Variants in BLOC1S2 observed in about 807,000 individuals in gnomAD.
BLOC1S2 encodes biogenesis of lysosome-related organelles complex 1 subunit 2.
A neutral mutation model predicts 19.6 loss-of-function variants in BLOC1S2; 12 were observed. The observed-to-expected ratio is 0.61, with a 90% CI of 0.39 to 0.99. The LOEUF is 0.99. BLOC1S2 is among the 50% of genes least tolerant of loss of function. The pLI, the probability that BLOC1S2 is intolerant of heterozygous loss-of-function variation, is 0.00. For missense variants in BLOC1S2, 142 were observed against 171.0 expected (o/e 0.83, Z 0.95); for synonymous variants, 66 against 64.1 (o/e 1.03, Z -0.14).
chr10:100,277,936 C>T (rs1847969301), intron 4 of BLOC1S2, among the ~76,000 whole-genome samples: 1 of 99,196 alleles, frequency 1.0e-5, no homozygotes, highest in Non-Finnish European at 2.1e-5. Flanking sequence ...TGAGGGGCGC[C>T]TCTGCCCGGC....
intron 4 of BLOC1S2, among the ~76,000 whole-genome samples, chr10:100,279,731 G>A (rs1253339596): frequency 6.6e-6 from 1 of 152,072 alleles, no homozygotes; most frequent in African/African-American, 2.4e-5. Context: ...TACAAAATTA[G>A]CCAGGCGTGG....
intron 2 of BLOC1S2, among the ~76,000 whole-genome samples, chr10:100,281,457 G>A (rs1444443591): frequency 2.6e-5 from 4 of 151,938 alleles, no homozygotes; most frequent in Admixed American, 1.3e-4. Flanking sequence ...AAGCCGAGGC[G>A]GGTGATCACG....
At position 100,275,442 on chromosome 10, in the gene BLOC1S2, G is replaced by C; in HGVS notation, c.*20C>G. On this transcript the variant is annotated 3_prime_UTR_variant, in exon 5 of 5. Coordinates refer to ENST00000370372, the MANE Select transcript of BLOC1S2 (RefSeq NM_173809.5). ...TTCCACATTAAAAAAAAAAGACTCTGTCCCATAGAAATAAGTTTCTCATCG... is the reference window on the plus strand; with the variant it reads ...TTCCACATTAAAAAAAAAAGACTCTCTCCCATAGAAATAAGTTTCTCATCG... 1 of 1,596,658 alleles carries C rather than the reference G, an allele frequency of 6.3e-7. No individual in the cohort carries two copies. The highest frequency in any genetic ancestry group is 1.3e-5 in the African/African-American group (1 of 74,538).
chr10:100,277,704 G>C (rs1847951119), intron 4 of BLOC1S2, among the ~76,000 whole-genome samples: 1 of 139,890 alleles, frequency 7.1e-6, no homozygotes, highest in Non-Finnish European at 1.6e-5. Context: ...CGGGAGGGAG[G>C]TGGGGGGCTC....
At chr10:100,280,268 AT>A (rs767083527) in intron 3 of BLOC1S2, 40 bp from the exon 4 acceptor site, 2 of 1,520,796 alleles carry the variant, frequency 1.3e-6, no homozygotes, top group South Asian at 2.4e-5. Context: ...ATATGGCTTT[AT>A]TAACAAAGAA....
rs1324578721 is a variant in BLOC1S2 at position 100,273,908 on chromosome 10, CTA to C, written c.*1552_*1553del. 6.6e-6 allele frequency: 1 copy of C among 151,252 alleles called. No individual in the cohort carries two copies. Among genetic ancestry groups the C allele is most frequent in the Non-Finnish European group, 1.5e-5 (1 of 67,918 alleles). The allele number at this position is 151,252 out of a possible 1,614,324, so 9.4% of individuals were successfully genotyped here. A position where few individuals can be genotyped will look rare whatever the true frequency, so the allele number is the denominator to read the frequency against. On this transcript the variant is annotated 3_prime_UTR_variant, in exon 5 of 5. Transcript: ENST00000370372. ...GTTGGAAGAAGGGGTAAGACTGATT[CTA>C]TGTTAAGATAGTAGAGTTACAGTTT...
At chr10:100,279,551 G>A (rs1023522532) in intron 4 of BLOC1S2, among the ~76,000 whole-genome samples, 1 of 152,044 alleles carries the variant, frequency 6.6e-6, no homozygotes, top group Admixed American at 6.6e-5. Flanking sequence ...TGGCCAACAT[G>A]GTGAAACCTC....
At chr10:100,284,740 C>G (rs930587538) in intron 2 of BLOC1S2, among the ~76,000 whole-genome samples, 1 of 152,090 alleles carries the variant, frequency 6.6e-6, no homozygotes, top group African/African-American at 2.4e-5. Flanking sequence ...ATCCACCTGC[C>G]TAGGCCTCCC....
intron 4 of BLOC1S2, among the ~76,000 whole-genome samples, chr10:100,277,076 G>A (rs1384256164): frequency 3.3e-5 from 5 of 151,278 alleles, no homozygotes; most frequent in Admixed American, 6.6e-5. Flanking sequence ...CCTCCCGGCC[G>A]CCATCCCATC....
intron 1 of BLOC1S2, 39 bp downstream of exon 1, chr10:100,286,565 GC>G: frequency 1.9e-6 from 3 of 1,610,314 alleles, no homozygotes; most frequent in South Asian, 1.1e-5. Flanking sequence ...GGAGCCCCAG[GC>G]CCCCCACCGG....
intron 4 of BLOC1S2, among the ~76,000 whole-genome samples, chr10:100,278,406 G>T (rs1222009183): frequency 1.3e-5 from 2 of 152,264 alleles, no homozygotes; most frequent in African/African-American, 4.8e-5. Context: ...GCAAGGTGGG[G>T]AAAAGATTGA....
chr10:100,280,429 T>TA (rs543349192), intron 3 of BLOC1S2, among the ~76,000 whole-genome samples: 82 of 152,322 alleles, frequency 5.4e-4, no homozygotes, highest in African/African-American at 1.9e-3. Flanking sequence ...GGCCCAGACT[T>TA]AGTGTCTCTC....
chr10:100,283,456 A>G lies in BLOC1S2; in HGVS notation c.173-2403T>C, dbSNP rs184890673. Among the ~76,000 whole-genome samples the G allele has an allele frequency of 2.6e-3, 390 of 152,264 alleles. 1 individual carries two copies. The highest frequency in any genetic ancestry group is 9.1e-3 in the African/African-American group (378 of 41,542). Reference sequence around the variant, plus strand: ...CTCCCAAAGTGCTAGGATTACAGGCATGAGCCACGGTGCCTGGTCCTCTAT... The same window carrying G: ...CTCCCAAAGTGCTAGGATTACAGGCGTGAGCCACGGTGCCTGGTCCTCTAT... On this transcript the variant is annotated intron_variant, in intron 2 of 4. Coordinates refer to ENST00000370372, the MANE Select transcript of BLOC1S2 (RefSeq NM_173809.5).
intron 1 of BLOC1S2, 111 bp downstream of exon 1, chr10:100,286,494 C>T (rs1175564649): frequency 2.0e-6 from 3 of 1,529,038 alleles, no homozygotes; most frequent in Non-Finnish European, 1.8e-6. Flanking sequence ...AAGTGCACTC[C>T]TCTCACCAGC....
In BLOC1S2 at chr10:100,282,947, G is replaced by A. The variant is rs752073851; in HGVS notation, c.173-1894C>T. 10 of 398,542 alleles carry A rather than the reference G, an allele frequency of 2.5e-5. 1 individual carries two copies. Among genetic ancestry groups the A allele is most frequent in the South Asian group, 2.5e-4 (2 of 7,856 alleles). 24.7% of individuals were successfully genotyped at this position (398,542 alleles called of 1,614,324 possible). A position where few individuals can be genotyped will look rare whatever the true frequency, so the allele number is the denominator to read the frequency against. On this transcript the variant is annotated intron_variant, in intron 2 of 4. Transcript: ENST00000370372. The stretch of plus-strand genomic sequence containing the variant: ...CCTTGGCAATCTCATCCTGCACAGC[G>A]TCCAATCACACCACTACGAAAGTGA...
chr10:100,282,413 C>T (rs927028382), intron 2 of BLOC1S2, among the ~76,000 whole-genome samples: 5 of 152,230 alleles, frequency 3.3e-5, no homozygotes, highest in Non-Finnish European at 4.4e-5. Flanking sequence ...ACCACCAAAT[C>T]CATGGCATTT....
rs1847770675 is a variant in BLOC1S2 at position 100,273,384 on chromosome 10, A to G, written c.*2078T>C. ...AAAATACATACATCTATTACACATC[A>G]ATAAAAAAACTCATCCATTAAATTC... On this transcript the variant is annotated 3_prime_UTR_variant, in exon 5 of 5. Transcript: ENST00000370372. 1 of 152,230 alleles carries G rather than the reference A, an allele frequency of 6.6e-6. No homozygotes were observed. The highest frequency in any genetic ancestry group is 2.4e-5 in the African/African-American group (1 of 41,460). The allele number at this position is 152,230 out of a possible 1,614,324, so 9.4% of individuals were successfully genotyped here.
chr10:100,278,032 C>T (rs1418121447), intron 4 of BLOC1S2, among the ~76,000 whole-genome samples: 1 of 139,942 alleles, frequency 7.1e-6, no homozygotes, highest in African/African-American at 2.7e-5. Context: ...CCCCGCCCGG[C>T]CAGCCGCCCC....
intron 4 of BLOC1S2, among the ~76,000 whole-genome samples, chr10:100,278,159 TGG>T (rs1226928207): frequency 9.9e-5 from 10 of 101,418 alleles, no homozygotes; most frequent in Non-Finnish European, 2.0e-4. Flanking sequence ...GGGAGGGAGG[TGG>T]GGGGGTCAGC....
Sources: gnomAD v4.1 joint callset for allele counts (sites outside exome capture counted in the v4.1 genomes callset) on GRCh38, gnomAD v4.1.1 for gene constraint, MANE v1.5 for transcripts, NCBI Gene and HGNC (gene_info 2026-07-23, HGNC 2026-07-21) for gene names.